SAXO1: variants seen among roughly 807,000 people sequenced by gnomAD.
The protein encoded by SAXO1 is 4930500O09Rik.
In SAXO1, 21 loss-of-function variants were observed where a neutral mutation model predicts 17.5. The observed-to-expected ratio is 1.20, with a 90% confidence interval of 0.85 to 1.72. The LOEUF is 1.72. Ranked by LOEUF, SAXO1 falls within the 40% of genes most tolerant of loss-of-function variation. The probability of loss-of-function intolerance (pLI) is 0.00; values close to 1 mark genes in which losing one functional copy is unlikely to be tolerated. For synonymous variants in SAXO1, 274 were observed against 216.5 expected (o/e 1.27, Z -2.33); for missense variants, 843 against 596.0 (o/e 1.41, Z -4.32).
At chr9:18,939,102 T>G (rs1831439525) in intron 3 of SAXO1, among the ~76,000 whole-genome samples, 1 of 151,880 alleles carries the variant, frequency 6.6e-6, no homozygotes, top group East Asian at 1.9e-4. Context: ...ACAAAGACAG[T>G]GTAGAGGAGA....
intron 1 of SAXO1, among the ~76,000 whole-genome samples, chr9:19,014,761 C>T (rs149193338): frequency 1.3e-5 from 2 of 152,252 alleles, no homozygotes; most frequent in South Asian, 2.1e-4. Flanking sequence ...TTGTCTCCTC[C>T]GTTCCTGGGG....
At chr9:18,998,908 G>C (rs1450784199) in intron 1 of SAXO1, among the ~76,000 whole-genome samples, 3 of 152,176 alleles carry the variant, frequency 2.0e-5, no homozygotes, top group African/African-American at 7.2e-5. Flanking sequence ...CAAATGCTGA[G>C]AGATTTTGTC....
At chr9:18,993,881 C>T (rs1255415796) in intron 1 of SAXO1, among the ~76,000 whole-genome samples, 1 of 152,126 alleles carries the variant, frequency 6.6e-6, no homozygotes, top group East Asian at 1.9e-4. Flanking sequence ...GGGATAAGTC[C>T]AGAATCCTAA....
chr9:18,981,047 G>A (rs1458191329), intron 1 of SAXO1, among the ~76,000 whole-genome samples: 7 of 152,162 alleles, frequency 4.6e-5, no homozygotes, highest in Non-Finnish European at 8.8e-5. Context: ...ATCAATACCT[G>A]ACAGCAAAGC....
chr9:18,968,463 G>C (rs1200714359), intron 1 of SAXO1, among the ~76,000 whole-genome samples: 4 of 152,132 alleles, frequency 2.6e-5, no homozygotes, highest in African/African-American at 4.8e-5. Flanking sequence ...ATTCTCTTAA[G>C]TTTGTTATAC....
chr9:18,944,762 G>GAGGAAATAAC (rs1487104799), intron 2 of SAXO1, among the ~76,000 whole-genome samples: 3 of 152,178 alleles, frequency 2.0e-5, no homozygotes, highest in Non-Finnish European at 2.9e-5. Flanking sequence ...CAAAAGGAAA[G>GAGGAAATAAC]AGGAAATAAC....
Position 18,941,649 on chromosome 9 carries a change from G to T in SAXO1, c.409C>A (p.Pro137Thr). 1 of 1,614,112 alleles carries T rather than the reference G, an allele frequency of 6.2e-7. No individual in the cohort carries two copies. The highest frequency in any genetic ancestry group is 1.7e-5 in the Admixed American group (1 of 60,020). The change falls in exon 3 of 4, where the codon CCT becomes ACT. Residue 137 changes from proline (P) to threonine (T), a missense_variant. By Grantham distance (38) the Pro-to-Thr change is conservative. Transcript: ENST00000380534. ...TGTGCTCTCCCACCTTTATAAGTAGGCAAACACTCCATCTTGTCGCTACAT... is the reference window on the plus strand; with the variant it reads ...TGTGCTCTCCCACCTTTATAAGTAGTCAAACACTCCATCTTGTCGCTACAT... ...YPCSDKMECLPTYKADYLPWN... is the reference protein window; with the variant it reads ...YPCSDKMECLTTYKADYLPWN...
At chr9:19,028,439 T>C (rs1378993157) in intron 1 of SAXO1, among the ~76,000 whole-genome samples, 1 of 152,248 alleles carries the variant, frequency 6.6e-6, no homozygotes, top group Non-Finnish European at 1.5e-5. Context: ...ATGCTGGAGA[T>C]AATCAGATGC....
intron 1 of SAXO1, among the ~76,000 whole-genome samples, chr9:18,974,109 C>A (rs1833046920): frequency 6.6e-6 from 1 of 152,058 alleles, no homozygotes; most frequent in African/African-American, 2.4e-5. Flanking sequence ...GTTGTAGGTA[C>A]AATGGGGCAG....
At chr9:18,930,042 C>T (rs1217247914) in intron 3 of SAXO1, among the ~76,000 whole-genome samples, 1 of 152,168 alleles carries the variant, frequency 6.6e-6, no homozygotes, top group African/African-American at 2.4e-5. Flanking sequence ...GCCCAAAAGT[C>T]ACATGGCTAG....
At chr9:18,992,662 AG>A (rs1833857722) in intron 1 of SAXO1, among the ~76,000 whole-genome samples, 1 of 152,212 alleles carries the variant, frequency 6.6e-6, no homozygotes, top group African/African-American at 2.4e-5. Context: ...TGAAGGGCAG[AG>A]GAACTCCAAG....
intron 1 of SAXO1, among the ~76,000 whole-genome samples, chr9:19,030,291 A>T (rs1424069778): frequency 2.0e-5 from 3 of 152,186 alleles, no homozygotes; most frequent in African/African-American, 7.2e-5. Context: ...AAAAACTAGG[A>T]AGGTAATTTA....
In SAXO1 at chr9:18,953,502, C is replaced by T. The variant is rs1226574136; in HGVS notation, c.39-2565G>A. ...TATATCAACATATTTATAGAGCAGA[C>T]TTTGACTTATTGCTGGTTAACTGAA... is the stretch of plus-strand genomic sequence containing the variant. On this transcript the variant is annotated intron_variant, in intron 1 of 3. Coordinates refer to ENST00000380534, the MANE Select transcript of SAXO1 (RefSeq NM_153707.4). 3.3e-5 allele frequency among the ~76,000 whole-genome samples: 5 copies of T among 152,294 alleles called. No individual in the cohort carries two copies. The East Asian group carries it at 5.8e-4, about 18-fold the overall frequency.
intron 1 of SAXO1, among the ~76,000 whole-genome samples, chr9:19,001,661 G>C (rs915747255): frequency 1.4e-4 from 14 of 101,072 alleles, no homozygotes; most frequent in Non-Finnish European, 2.4e-4. Context: ...GCAAGACTCC[G>C]TCAAAAAAAA....
chr9:19,033,665 G>A (rs185878221), upstream of SAXO1, among the ~76,000 whole-genome samples: 142 of 152,336 alleles, frequency 9.3e-4, no homozygotes, highest in Non-Finnish European at 1.8e-3. Context: ...GTTTAAGAGC[G>A]CCCAGGCCTT....
At chr9:19,010,228 C>T (rs1390942268) in intron 1 of SAXO1, among the ~76,000 whole-genome samples, 1 of 152,136 alleles carries the variant, frequency 6.6e-6, no homozygotes, top group Non-Finnish European at 1.5e-5. Flanking sequence ...GCACCTTACC[C>T]TTCCCAGGAC....
chr9:18,957,622 G>T (rs978204129), intron 1 of SAXO1, among the ~76,000 whole-genome samples: 2 of 152,174 alleles, frequency 1.3e-5, no homozygotes, highest in Non-Finnish European at 2.9e-5. Flanking sequence ...TAGGAGAGGG[G>T]AAGCTGCCCA....
chr9:18,937,067 G>A (rs769069567), intron 3 of SAXO1, among the ~76,000 whole-genome samples: 10 of 152,192 alleles, frequency 6.6e-5, no homozygotes, highest in East Asian at 3.8e-4. Context: ...GAGAATCAAC[G>A]TATGGTCATA....
intron 1 of SAXO1, among the ~76,000 whole-genome samples, chr9:18,972,300 C>G (rs1343859357): frequency 6.6e-6 from 1 of 152,130 alleles, no homozygotes; most frequent in East Asian, 1.9e-4. Context: ...TGCAAAGTAG[C>G]CCTCTTCTTT....
Sources: gnomAD v4.1 joint callset for allele counts (sites outside exome capture counted in the v4.1 genomes callset) on GRCh38, gnomAD v4.1.1 for gene constraint, MANE v1.5 for transcripts, NCBI Gene and HGNC (gene_info 2026-07-23, HGNC 2026-07-21) for gene names.